NAPA: variants seen among roughly 807,000 people sequenced by gnomAD.
NAPA encodes NSF attachment protein alpha, also known as alpha-soluble NSF attachment protein.
Under a neutral mutation model 48.0 loss-of-function variants are expected in NAPA, and 18 were observed. The ratio of observed to expected loss-of-function variants is 0.38; its 90% CI spans 0.26 to 0.56. The LOEUF (loss-of-function observed/expected upper bound fraction) is 0.56. NAPA is among the 20% of genes least tolerant of loss of function. NAPA has a pLI of 0.77. For synonymous variants in NAPA, 152 were observed against 149.9 expected (o/e 1.01, Z -0.10); for missense variants, 315 against 385.0 (o/e 0.82, Z 1.52).
intron 3 of NAPA, among the ~76,000 whole-genome samples, chr19:47,499,653 A>G (rs1968521816): frequency 1.3e-5 from 2 of 152,266 alleles, no homozygotes; most frequent in African/African-American, 4.8e-5. Flanking sequence ...GTCTAAGGAC[A>G]GAGAAGAGCT....
intron 2 of NAPA, 64 bp from the exon 3 acceptor site, chr19:47,500,813 G>T: frequency 7.7e-7 from 1 of 1,292,228 alleles, no homozygotes; most frequent in Non-Finnish European, 1.1e-6. Context: ...AAGCCACAGA[G>T]ACACTGCCCT....
chr19:47,493,579 C>T lies in NAPA; in HGVS notation c.343-86G>A. 8.9e-7 allele frequency: 1 copy of T among 1,126,896 alleles called. No individual in the cohort carries two copies. Among genetic ancestry groups the T allele is most frequent in the Non-Finnish European group, 1.3e-6 (1 of 745,646 alleles). The allele number at this position is 1,126,896 out of a possible 1,614,324, so 69.8% of individuals were successfully genotyped here. A position where few individuals can be genotyped will look rare whatever the true frequency, so the allele number is the denominator to read the frequency against. ...GACCTATGACCCTTCAAGTTCCCAC[C>T]CCTCAGCCACGCCTGTGAGGAGGTA... is the stretch of plus-strand genomic sequence containing the variant. On this transcript the variant is annotated intron_variant, in intron 4 of 10. Transcript: ENST00000263354. The surrounding 1 kb of genome is among the most constrained non-coding windows in gnomAD (Gnocchi z 6.4).
intron 4 of NAPA, among the ~76,000 whole-genome samples, chr19:47,494,135 G>C (rs1968354214): frequency 6.6e-6 from 1 of 152,254 alleles, no homozygotes; most frequent in Non-Finnish European, 1.5e-5. Flanking sequence ...CAGTAGGAAA[G>C]GGCAAGGCCC....
At chr19:47,496,960 C>G in intron 3 of NAPA, 1 of 383,688 alleles carries the variant, frequency 2.6e-6, no homozygotes, top group Non-Finnish European at 5.4e-6. Flanking sequence ...GGCTGACAGA[C>G]CGAGACTGTG....
At chr19:47,509,349 T>TAAAATAAAATAAAATAAATA (rs869068004) in intron 1 of NAPA, among the ~76,000 whole-genome samples, 28 of 92,174 alleles carry the variant, frequency 3.0e-4, no homozygotes, top group African/African-American at 1.1e-3. Flanking sequence ...TAAAATAAAA[T>TAAAATAAAATAAAATAAATA]AAATAAAATA....
At chr19:47,498,096 C>T (rs1200911976) in intron 3 of NAPA, among the ~76,000 whole-genome samples, 2 of 152,210 alleles carry the variant, frequency 1.3e-5, no homozygotes, top group East Asian at 1.9e-4. Flanking sequence ...GAGAGGAATT[C>T]GGGAGCCCAG....
At chr19:47,512,448 T>C (rs1968823235) in intron 1 of NAPA, among the ~76,000 whole-genome samples, 1 of 152,158 alleles carries the variant, frequency 6.6e-6, no homozygotes, top group Non-Finnish European at 1.5e-5. Flanking sequence ...TTATTGGTGT[T>C]TGCTGTTCAT....
chr19:47,510,458 A>G (rs1053059803), intron 1 of NAPA, among the ~76,000 whole-genome samples: 1 of 152,204 alleles, frequency 6.6e-6, no homozygotes. Flanking sequence ...CTTAATAAAC[A>G]TTAGCAGAGC....
chr19:47,495,204 G>A, intron 4 of NAPA: 1 of 341,740 alleles, frequency 2.9e-6, no homozygotes, highest in Middle Eastern at 8.7e-4. Context: ...ATGTTGCCCA[G>A]GCTGGTCTCG....
chr19:47,486,034 T>G (rs2122711499), downstream of NAPA, among the ~76,000 whole-genome samples: 1 of 152,280 alleles, frequency 6.6e-6, no homozygotes, highest in Non-Finnish European at 1.5e-5. Flanking sequence ...AGCTGCACAC[T>G]TGAACTGCCT....
intron 3 of NAPA, 90 bp downstream of exon 3, chr19:47,500,543 C>A: frequency 9.0e-7 from 1 of 1,116,340 alleles, no homozygotes; most frequent in Non-Finnish European, 1.2e-6. Flanking sequence ...ACTGGAAAAA[C>A]CAGAGCCGCC....
chr19:47,494,749 A>G (rs1968373796), intron 4 of NAPA, among the ~76,000 whole-genome samples: 1 of 145,664 alleles, frequency 6.9e-6, no homozygotes, highest in African/African-American at 2.5e-5. Context: ...AAAAAAAAAA[A>G]AAAAAAAAAG....
chr19:47,497,984 A>G (rs1968474157), intron 3 of NAPA, among the ~76,000 whole-genome samples: 1 of 152,220 alleles, frequency 6.6e-6, no homozygotes, highest in East Asian at 1.9e-4. Flanking sequence ...TGCCCTGAGC[A>G]GCAGCCATGG....
At position 47,493,540 on chromosome 19, in the gene NAPA, C is replaced by A. The variant is rs770629830; in HGVS notation, c.343-47G>T. 12 of 1,553,230 alleles carry A rather than the reference C, an allele frequency of 7.7e-6. No homozygotes were observed. The highest frequency in any genetic ancestry group is 1.1e-5 in the Non-Finnish European group (12 of 1,126,958). On this transcript the variant is annotated intron_variant, in intron 4 of 10. Transcript: ENST00000263354. The surrounding 1 kb of genome is among the most constrained non-coding windows in gnomAD (Gnocchi z 6.4). ...GCTGCCTGCGACTCATGACCTCCTG[C>A]GTGCCTGCCTGCTGACCTATGACCC...
downstream of NAPA, among the ~76,000 whole-genome samples, chr19:47,485,037 A>C (rs147965450): frequency 6.6e-6 from 1 of 152,200 alleles, no homozygotes; most frequent in Non-Finnish European, 1.5e-5. Context: ...CTTTAAAATA[A>C]TTAATACATT....
At chr19:47,505,203 G>A (rs1339368033) in intron 1 of NAPA, 1 of 152,090 alleles carries the variant, frequency 6.6e-6, no homozygotes, top group African/African-American at 2.4e-5. Flanking sequence ...TGGATTTCAG[G>A]GCCTCTCTTC....
intron 1 of NAPA, among the ~76,000 whole-genome samples, chr19:47,509,518 G>A (rs1045611238): frequency 2.6e-5 from 4 of 152,058 alleles, no homozygotes; most frequent in African/African-American, 7.2e-5. Flanking sequence ...AGCACCCCAC[G>A]GCGTGCCCAG....
At chr19:47,498,316 C>T (rs1157603539) in intron 3 of NAPA, among the ~76,000 whole-genome samples, 1 of 152,184 alleles carries the variant, frequency 6.6e-6, no homozygotes, top group South Asian at 2.1e-4. Flanking sequence ...TCACAAGGCA[C>T]CCGGCCAAGG....
rs1268219881 is a variant in NAPA at position 47,509,025 on chromosome 19, A to G, written c.99-5523T>C. On this transcript the variant is annotated intron_variant, in intron 1 of 10. Coordinates refer to ENST00000263354, the MANE Select transcript of NAPA (RefSeq NM_003827.4). Reference sequence around the variant, plus strand: ...CAGGAGGTTGAGACTGCAATGAGCTATGATCGCGCCACTGCCCTCCAGCCT... The same window carrying G: ...CAGGAGGTTGAGACTGCAATGAGCTGTGATCGCGCCACTGCCCTCCAGCCT... Among the ~76,000 whole-genome samples, 14 of 152,002 alleles carry G rather than the reference A, an allele frequency of 9.2e-5. 1 individual carries two copies. The highest frequency in any genetic ancestry group is 7.9e-4 in the Admixed American group (12 of 15,256).
Sources: gnomAD v4.1 joint callset for allele counts (sites outside exome capture counted in the v4.1 genomes callset) on GRCh38, gnomAD v4.1.1 for gene constraint, Gnocchi (gnomAD v3.1) non-coding constraint, MANE v1.5 for transcripts, NCBI Gene and HGNC (gene_info 2026-07-23, HGNC 2026-07-21) for gene names.